The following GALNT17 variants were observed in gnomAD, a reference collection of about 807,000 sequenced individuals.
The protein encoded by GALNT17 is UDP-GalNAc:polypeptide N-acetylgalactosaminyltransferase-like 3.
Under a neutral mutation model 63.7 loss-of-function variants are expected in GALNT17, and 29 were observed. The observed-to-expected ratio is 0.46, with a 90% CI of 0.34 to 0.62. The LOEUF (loss-of-function observed/expected upper bound fraction) is 0.62. GALNT17 is among the 20% of genes least tolerant of loss of function. The pLI is 0.01. For missense variants in GALNT17, 603 were observed against 799.6 expected (o/e 0.75, Z 2.97); for synonymous variants, 305 against 318.3 (o/e 0.96, Z 0.45).
chr7:71,670,901 T>TGCGC (rs1554322035), intron 8 of GALNT17, among the ~76,000 whole-genome samples: 304 of 150,290 alleles, frequency 2.0e-3, no homozygotes, highest in Middle Eastern at 3.4e-3. Flanking sequence ...TGTGTGTGTG[T>TGCGC]GCGTGTGTGT....
At chr7:71,531,218 C>T (rs1484334447) in intron 5 of GALNT17, among the ~76,000 whole-genome samples, 2 of 152,022 alleles carry the variant, frequency 1.3e-5, no homozygotes, top group African/African-American at 4.8e-5. Context: ...AACCTATCAC[C>T]TCCATTATGC....
At chr7:71,675,857 G>A (rs930948764) in intron 8 of GALNT17, among the ~76,000 whole-genome samples, 1 of 152,044 alleles carries the variant, frequency 6.6e-6, no homozygotes, top group East Asian at 1.9e-4. Context: ...GCGTGGTAGC[G>A]GGCGACTGTA....
chr7:71,573,938 A>G (rs1789493451), intron 6 of GALNT17, among the ~76,000 whole-genome samples: 1 of 152,098 alleles, frequency 6.6e-6, no homozygotes, highest in South Asian at 2.1e-4. Flanking sequence ...ATTTGGTTGG[A>G]TGTTCCTGCA....
chr7:71,652,309 TTC>T (rs1790765529), intron 6 of GALNT17, among the ~76,000 whole-genome samples: 1 of 152,120 alleles, frequency 6.6e-6, no homozygotes, highest in Non-Finnish European at 1.5e-5. Flanking sequence ...TCAATCCCAT[TTC>T]TGAGAAGCAG....
chr7:71,423,276 T>C (rs983433047), intron 5 of GALNT17, among the ~76,000 whole-genome samples: 3 of 152,194 alleles, frequency 2.0e-5, no homozygotes, highest in African/African-American at 7.2e-5. Context: ...CCTGCCCCTG[T>C]TGCATATCAA....
At chr7:71,340,656 A>C (rs1791991567) in intron 2 of GALNT17, among the ~76,000 whole-genome samples, 2 of 152,312 alleles carry the variant, frequency 1.3e-5, no homozygotes, top group East Asian at 3.9e-4. Context: ...CAGAAACAAC[A>C]AACTTTGTTT....
At chr7:71,472,198 A>T (rs188687167) in intron 5 of GALNT17, among the ~76,000 whole-genome samples, 1 of 152,204 alleles carries the variant, frequency 6.6e-6, no homozygotes, top group Non-Finnish European at 1.5e-5. Flanking sequence ...GATCCCACTC[A>T]TGAGAACTCC....
At chr7:71,200,845 T>C (rs1789152306) in intron 1 of GALNT17, among the ~76,000 whole-genome samples, 1 of 152,028 alleles carries the variant, frequency 6.6e-6, no homozygotes, top group Non-Finnish European at 1.5e-5. Context: ...TTTCTATACC[T>C]AGCATCTAGA....
Position 71,690,172 on chromosome 7 carries a change from G to A in GALNT17, c.1500+12866G>A, listed in dbSNP as rs1373472345. On this transcript the variant is annotated intron_variant, in intron 9 of 10. Transcript: ENST00000333538. ...CCCGAGTAGCTGGGACTACAGGTGC[G>A]CACCATCACGCCCAGCTAATTTTTC... Among the ~76,000 whole-genome samples, 3 of 151,880 alleles carry A rather than the reference G, an allele frequency of 2.0e-5. No individual in the cohort carries two copies. In the East Asian group the frequency reaches 5.8e-4, roughly 29 times the overall value.
chr7:71,432,738 C>T (rs968499522), intron 5 of GALNT17, among the ~76,000 whole-genome samples: 1 of 152,160 alleles, frequency 6.6e-6, no homozygotes, highest in African/African-American at 2.4e-5. Flanking sequence ...GAGGCCAAGG[C>T]AGGAAGATCA....
intron 1 of GALNT17, among the ~76,000 whole-genome samples, chr7:71,197,500 G>A (rs907374572): frequency 5.9e-5 from 9 of 151,806 alleles, no homozygotes; most frequent in African/African-American, 7.2e-5. Context: ...GAGACACCGC[G>A]CCTGGCCCTG....
Position 71,578,358 on chromosome 7 carries a change from A to G in GALNT17, c.1080+6956A>G, listed in dbSNP as rs539923714. Among the ~76,000 whole-genome samples, 10 of 151,930 alleles carry G rather than the reference A, an allele frequency of 6.6e-5. No individual in the cohort carries two copies. The South Asian group carries it at 2.1e-3, about 32-fold the overall frequency. On this transcript the variant is annotated intron_variant, in intron 6 of 10. Transcript: ENST00000333538. The stretch of plus-strand genomic sequence containing the variant: ...GCCTACAATTTTTATATATATAGAC[A>G]AATTCTCACTGTCATCTAAGCTGGA...
At chr7:71,527,249 A>G (rs541634308) in intron 5 of GALNT17, among the ~76,000 whole-genome samples, 1 of 152,368 alleles carries the variant, frequency 6.6e-6, no homozygotes, top group Admixed American at 6.5e-5. Context: ...AGCATGATAT[A>G]TAAAAATCTT....
intron 6 of GALNT17, among the ~76,000 whole-genome samples, chr7:71,651,872 C>G (rs1790759223): frequency 3.3e-5 from 5 of 152,074 alleles, no homozygotes; most frequent in Admixed American, 3.3e-4. Context: ...CATCCATGCC[C>G]AGCTAATTTT....
chr7:71,438,126 C>T (rs1400572612), intron 5 of GALNT17, among the ~76,000 whole-genome samples: 1 of 152,066 alleles, frequency 6.6e-6, no homozygotes, highest in Non-Finnish European at 1.5e-5. Context: ...TCTAGAGGGA[C>T]AGAACTAATA....
intron 6 of GALNT17, among the ~76,000 whole-genome samples, chr7:71,596,407 G>A (rs1257329013): frequency 6.6e-6 from 1 of 151,988 alleles, no homozygotes; most frequent in Non-Finnish European, 1.5e-5. Flanking sequence ...CATTTGAGAG[G>A]GAAAGGTTGA....
intron 6 of GALNT17, among the ~76,000 whole-genome samples, chr7:71,629,238 C>G (rs989306790): frequency 3.9e-5 from 6 of 152,138 alleles, no homozygotes; most frequent in Admixed American, 6.5e-5. Context: ...ATAGGGGAGG[C>G]CAGGCAGGAG....
intron 1 of GALNT17, among the ~76,000 whole-genome samples, chr7:71,183,908 A>C (rs561949181): frequency 6.6e-6 from 1 of 152,122 alleles, no homozygotes; most frequent in South Asian, 2.1e-4. Flanking sequence ...AAAAATCAAC[A>C]CACAAAGCAG....
chr7:71,395,376 G>T (rs1793119985), intron 3 of GALNT17, among the ~76,000 whole-genome samples: 1 of 152,090 alleles, frequency 6.6e-6, no homozygotes. Flanking sequence ...TGAACATAAT[G>T]TTTTCAAGGT....
Sources: allele counts gnomAD v4.1 joint callset (sites outside exome capture counted in the v4.1 genomes callset), GRCh38; gene constraint gnomAD v4.1.1; transcripts MANE v1.5; gene names NCBI Gene and HGNC (gene_info 2026-07-23, HGNC 2026-07-21).